The following SLC22A25 variants were observed in gnomAD, a reference collection of about 807,000 sequenced individuals.
SLC22A25 encodes solute carrier family 22 member 25, also known as MGI:2442751, MGI:2385316, MGI:3042283, MGI:3645714, MGI:3605624, MGI:2442750.
SLC22A25 carries 44 observed loss-of-function variants against 45.9 expected under a neutral mutation model. That is an observed-to-expected ratio of 0.96 (90% CI 0.75 to 1.23). The LOEUF is 1.23. Ranked by LOEUF, SLC22A25 falls within the 50% of genes most tolerant of loss-of-function variation. SLC22A25 has a pLI of 0.00. For missense variants in SLC22A25, 800 were observed against 666.4 expected (o/e 1.20, Z -2.21); for synonymous variants, 283 against 238.6 (o/e 1.19, Z -1.72).
At chr11:63,184,164 G>A (rs1026380274) in intron 7 of SLC22A25, among the ~76,000 whole-genome samples, 10 of 152,102 alleles carry the variant, frequency 6.6e-5, no homozygotes, top group African/African-American at 2.4e-4. Context: ...TTCATAATGT[G>A]TTCTTTTTCC....
intron 9 of SLC22A25, among the ~76,000 whole-genome samples, chr11:63,170,949 C>G (rs1279462890): frequency 6.6e-6 from 1 of 152,074 alleles, no homozygotes. Context: ...AGCAGCACAT[C>G]AAAAGCTTAT....
intron 7 of SLC22A25, among the ~76,000 whole-genome samples, chr11:63,189,298 A>G (rs1361886362): frequency 6.6e-6 from 1 of 152,172 alleles, no homozygotes; most frequent in African/African-American, 2.4e-5. Flanking sequence ...ACCATTATGT[A>G]ATGGCCTTCT....
chr11:63,204,950 TAACA>T (rs1483453194), intron 7 of SLC22A25, among the ~76,000 whole-genome samples: 30 of 152,286 alleles, frequency 2.0e-4, no homozygotes, highest in African/African-American at 6.3e-4. Context: ...ATGGAAATCA[TAACA>T]AACAGTCTCT....
chr11:63,179,018 G>A (rs1448932633), intron 9 of SLC22A25, among the ~76,000 whole-genome samples: 2 of 151,710 alleles, frequency 1.3e-5, no homozygotes, highest in African/African-American at 4.8e-5. Flanking sequence ...CTGGAGTGCA[G>A]TGGTGCAATC....
chr11:63,186,548 A>G (rs1301835335), intron 7 of SLC22A25, among the ~76,000 whole-genome samples: 1 of 152,004 alleles, frequency 6.6e-6, no homozygotes, highest in Non-Finnish European at 1.5e-5. Context: ...CTTTAGTTTA[A>G]TTAGATTCCA....
At chr11:63,195,187 C>A (rs944734840) in intron 7 of SLC22A25, among the ~76,000 whole-genome samples, 4 of 152,138 alleles carry the variant, frequency 2.6e-5, no homozygotes, top group Non-Finnish European at 5.9e-5. Flanking sequence ...CAACATTAGA[C>A]AGCTCAGTGA....
Position 63,229,491 on chromosome 11 carries a change from C to T in SLC22A25, c.162G>A (p.Leu54=). Residue 54 remains leucine, a synonymous_variant, in exon 4 of 12, where the codon CTG becomes CTA. Transcript: ENST00000306494. ...CATTGTCAGGGATAGTGTCATTGTC[C>T]AGTATATGAACCCAGCAGCGATGAT... ...ILDHRCWVHI[L]DNDTIPDNDP... 6.2e-7 allele frequency: 1 copy of T among 1,614,096 alleles called. No homozygotes were observed. Among genetic ancestry groups the T allele is most frequent in the Non-Finnish European group, 8.5e-7 (1 of 1,179,986 alleles).
chr11:63,175,964 T>C (rs2088073103), intron 9 of SLC22A25, among the ~76,000 whole-genome samples: 1 of 152,058 alleles, frequency 6.6e-6, no homozygotes, highest in South Asian at 2.1e-4. Context: ...TTAGCACCAT[T>C]TGCTGAAGAA....
At chr11:63,164,442 C>G in intron 11 of SLC22A25, 84 bp downstream of exon 11, 1 of 1,184,044 alleles carries the variant, frequency 8.4e-7, no homozygotes, top group Non-Finnish European at 1.2e-6. Context: ...ACTAACTTGT[C>G]TTGGATTTTT....
chr11:63,232,439 G>C (rs976275016), intron 3 of SLC22A25, among the ~76,000 whole-genome samples: 1 of 152,082 alleles, frequency 6.6e-6, no homozygotes, highest in Middle Eastern at 3.2e-3. Context: ...CTGTTTGTCT[G>C]CTATTGGTGT....
rs565705816 is a variant in SLC22A25 at position 63,237,965 on chromosome 11, G to C, written c.-529C>G. 6.6e-6 allele frequency: 1 copy of C among 152,396 alleles called. No individual in the cohort carries two copies. Among genetic ancestry groups the C allele is most frequent in the African/African-American group, 2.4e-5 (1 of 41,580 alleles). The allele number at this position is 152,396 out of a possible 1,614,324, so 9.4% of individuals were successfully genotyped here. A position where few individuals can be genotyped will look rare whatever the true frequency, so the allele number is the denominator to read the frequency against. ...CCTTTCACCACCACTCCATGAATAA[G>C]AATGTAGCCACTAAATTCAGTGACT... On this transcript the variant is annotated 5_prime_UTR_variant, in exon 3 of 12. Coordinates refer to ENST00000306494, the MANE Select transcript of SLC22A25 (RefSeq NM_199352.6).
In SLC22A25 at chr11:63,225,768, T is replaced by A. The variant is rs375648522; in HGVS notation, c.506+2693A>T. Among the ~76,000 whole-genome samples, 67 of 152,318 alleles carry A rather than the reference T, an allele frequency of 4.4e-4. 3 individuals carry two copies. The highest frequency in any genetic ancestry group is 2.3e-3 in the East Asian group (12 of 5,172). On this transcript the variant is annotated intron_variant, in intron 5 of 11. Coordinates refer to ENST00000306494, the MANE Select transcript of SLC22A25 (RefSeq NM_199352.6). ...TCTCGAAGGCCAATAACCCTTGGATTTAACCTTTTGAGATGATTTTCTAGA... is the reference window on the plus strand; with the variant it reads ...TCTCGAAGGCCAATAACCCTTGGATATAACCTTTTGAGATGATTTTCTAGA...
chr11:63,170,759 T>A (rs781478014), intron 9 of SLC22A25, among the ~76,000 whole-genome samples: 16 of 148,668 alleles, frequency 1.1e-4, no homozygotes, highest in Non-Finnish European at 2.1e-4. Flanking sequence ...GAACAATTCC[T>A]TCTGAAAATT....
intron 7 of SLC22A25, 94 bp from the exon 8 acceptor site, chr11:63,183,911 A>G: frequency 1.3e-6 from 2 of 1,534,610 alleles, no homozygotes; most frequent in South Asian, 2.4e-5. Flanking sequence ...CTCTAAGCTA[A>G]TACCCACCTC....
intron 2 of SLC22A25, among the ~76,000 whole-genome samples, chr11:63,238,291 C>CTATGA (rs1190805324): frequency 2.0e-5 from 3 of 152,194 alleles, no homozygotes; most frequent in Non-Finnish European, 4.4e-5. Context: ...AGAGTGCAAT[C>CTATGA]ATTTGTGAAC....
At position 63,161,114 on chromosome 11, in the gene SLC22A25, G is replaced by A. The variant is rs1425318139; in HGVS notation, c.*2710C>T. On this transcript the variant is annotated 3_prime_UTR_variant, in exon 12 of 12. Coordinates refer to ENST00000306494, the MANE Select transcript of SLC22A25 (RefSeq NM_199352.6). Reference sequence around the variant, plus strand: ...GTGAGGCCTCACAATCATGGTGGAAGACGATTCCCATGTAGTCAGTGCCTT... The same window carrying A: ...GTGAGGCCTCACAATCATGGTGGAAAACGATTCCCATGTAGTCAGTGCCTT... 6.6e-6 allele frequency among the ~76,000 whole-genome samples: 1 copy of A among 152,174 alleles called. No individual in the cohort carries two copies. Among genetic ancestry groups the A allele is most frequent in the African/African-American group, 2.4e-5 (1 of 41,430 alleles).
intron 8 of SLC22A25, 74 bp from the exon 9 acceptor site, chr11:63,180,849 C>T (rs1236517584): frequency 2.7e-5 from 26 of 977,352 alleles, no homozygotes; most frequent in Non-Finnish European, 3.2e-6. Context: ...ACTTGTCAAC[C>T]AACAGATGAC....
chr11:63,166,649 A>G, intron 9 of SLC22A25: 1 of 1,002,434 alleles, frequency 1.0e-6, no homozygotes, highest in East Asian at 1.0e-4. Flanking sequence ...ACTCACAGTA[A>G]AGATCTAAGA....
At chr11:63,197,597 G>C (rs1010692131) in intron 7 of SLC22A25, among the ~76,000 whole-genome samples, 3 of 152,178 alleles carry the variant, frequency 2.0e-5, no homozygotes, top group Non-Finnish European at 2.9e-5. Flanking sequence ...AGACTTAAAT[G>C]TTAGACCTAA....
Sources: allele counts gnomAD v4.1 joint callset (sites outside exome capture counted in the v4.1 genomes callset), GRCh38; gene constraint gnomAD v4.1.1; transcripts MANE v1.5; gene names NCBI Gene and HGNC (gene_info 2026-07-23, HGNC 2026-07-21).